CTNNA3: variants seen among roughly 807,000 people sequenced by gnomAD.
CTNNA3 encodes the protein catenin alpha 3.
A neutral mutation model predicts 95.7 loss-of-function variants in CTNNA3; 76 were observed. That is an observed-to-expected ratio of 0.79 (90% CI 0.66 to 0.96). CTNNA3 has a LOEUF of 0.96. Ranked by LOEUF, CTNNA3 falls within the 40% of genes least tolerant of loss-of-function variation. CTNNA3 has a pLI of 0.00. For missense variants in CTNNA3, 1,191 were observed against 1,089.8 expected (o/e 1.09, Z -1.31); for synonymous variants, 431 against 374.4 (o/e 1.15, Z -1.74).
chr10:66,389,653 A>G (rs925445223), intron 11 of CTNNA3, among the ~76,000 whole-genome samples: 2 of 152,090 alleles, frequency 1.3e-5, no homozygotes. Context: ...GTGTAGCACA[A>G]TAAAATTTTG....
At chr10:67,370,876 T>TG (rs1280386567) in intron 5 of CTNNA3, among the ~76,000 whole-genome samples, 3 of 150,610 alleles carry the variant, frequency 2.0e-5, no homozygotes, top group African/African-American at 7.3e-5. Flanking sequence ...TTTGTTTTTT[T>TG]TTTTTTTTGA....
intron 11 of CTNNA3, among the ~76,000 whole-genome samples, chr10:66,442,307 C>G (rs532596475): frequency 6.6e-6 from 1 of 152,082 alleles, no homozygotes; most frequent in African/African-American, 2.4e-5. Flanking sequence ...GTCCTGGAAC[C>G]AACCCCCCAT....
At chr10:67,639,151 C>A (rs1404506486) in intron 2 of CTNNA3, among the ~76,000 whole-genome samples, 1 of 151,952 alleles carries the variant, frequency 6.6e-6, no homozygotes, top group Non-Finnish European at 1.5e-5. Context: ...CAAATAGACC[C>A]AATAAAAAAT....
chr10:66,920,115 T>G (rs1315692212), intron 7 of CTNNA3, among the ~76,000 whole-genome samples: 7 of 152,214 alleles, frequency 4.6e-5, no homozygotes, highest in Non-Finnish European at 8.8e-5. Flanking sequence ...CCTTAATATA[T>G]GCTCATGGCC....
At chr10:67,508,456 C>CA (rs1400361327) in intron 5 of CTNNA3, among the ~76,000 whole-genome samples, 1 of 152,140 alleles carries the variant, frequency 6.6e-6, no homozygotes, top group Non-Finnish European at 1.5e-5. Flanking sequence ...TGAATATCCA[C>CA]ATACCAAAAA....
At chr10:67,098,890 T>G (rs567280146) in intron 7 of CTNNA3, 68 of 152,012 alleles carry the variant, frequency 4.5e-4, no homozygotes, top group African/African-American at 1.6e-3. Flanking sequence ...AACTTTTTAT[T>G]TAGAACTGTG....
intron 9 of CTNNA3, among the ~76,000 whole-genome samples, chr10:66,625,994 G>T (rs1844921683): frequency 6.6e-6 from 1 of 152,012 alleles, no homozygotes; most frequent in African/African-American, 2.4e-5. Context: ...TTTTTTCAAT[G>T]ACCCTTTAAA....
chr10:67,364,996 A>G (rs1843152546), intron 5 of CTNNA3, among the ~76,000 whole-genome samples: 1 of 152,206 alleles, frequency 6.6e-6, no homozygotes, highest in Non-Finnish European at 1.5e-5. Context: ...TACAGTAACC[A>G]AAACAGCATG....
At chr10:67,041,430 G>A (rs1357555399) in intron 7 of CTNNA3, among the ~76,000 whole-genome samples, 1 of 152,058 alleles carries the variant, frequency 6.6e-6, no homozygotes, top group Non-Finnish European at 1.5e-5. Context: ...TACCTATGTT[G>A]CAAATATCAC....
chr10:66,369,746 C>T (rs980622460), intron 12 of CTNNA3, among the ~76,000 whole-genome samples: 1 of 152,120 alleles, frequency 6.6e-6, no homozygotes, highest in African/African-American at 2.4e-5. Context: ...TATGCCCTTT[C>T]AGCATTTGCT....
At chr10:67,465,109 C>T (rs1214070688) in intron 5 of CTNNA3, among the ~76,000 whole-genome samples, 1 of 145,370 alleles carries the variant, frequency 6.9e-6, no homozygotes, top group Non-Finnish European at 1.5e-5. Flanking sequence ...GATTCAGTGA[C>T]ATTTTGCATC....
At chr10:66,856,108 G>A (rs1425239448) in intron 7 of CTNNA3, among the ~76,000 whole-genome samples, 1 of 151,816 alleles carries the variant, frequency 6.6e-6, no homozygotes, top group Non-Finnish European at 1.5e-5. Flanking sequence ...GGTGTCTGTT[G>A]TCTCCTTCAT....
intron 13 of CTNNA3, among the ~76,000 whole-genome samples, chr10:66,178,494 TACAC>T (rs35277811): frequency 1.7e-5 from 2 of 120,956 alleles, no homozygotes; most frequent in African/African-American, 5.5e-5. Context: ...CACACACACA[TACAC>T]ACACCCCTTA....
intron 4 of CTNNA3, among the ~76,000 whole-genome samples, chr10:67,533,295 G>A (rs955327200): frequency 1.3e-5 from 2 of 150,988 alleles, no homozygotes; most frequent in Non-Finnish European, 2.9e-5. Flanking sequence ...TTGCACTCCA[G>A]GTGTGCAAAA....
chr10:67,741,417 G>C (rs1841338236), intron 1 of CTNNA3, among the ~76,000 whole-genome samples: 1 of 148,004 alleles, frequency 6.8e-6, no homozygotes, highest in African/African-American at 2.5e-5. Flanking sequence ...AGCTTCATAA[G>C]TGAAGGAGAA....
At chr10:66,968,989 C>T (rs1849580426) in intron 7 of CTNNA3, among the ~76,000 whole-genome samples, 1 of 151,820 alleles carries the variant, frequency 6.6e-6, no homozygotes, top group Admixed American at 6.6e-5. Context: ...TGCACTCCAG[C>T]CTGGGCAACA....
chr10:66,121,549 C>T (rs571168231), intron 13 of CTNNA3, among the ~76,000 whole-genome samples: 2 of 152,106 alleles, frequency 1.3e-5, no homozygotes, highest in South Asian at 4.1e-4. Context: ...TTGGAATAAT[C>T]ATGTGGGAAA....
chr10:66,606,555 A>T (rs189411491), intron 10 of CTNNA3, among the ~76,000 whole-genome samples: 12 of 152,298 alleles, frequency 7.9e-5, no homozygotes, highest in Admixed American at 7.8e-4. Flanking sequence ...AACTGAAATC[A>T]TAACAATCAC....
intron 10 of CTNNA3, among the ~76,000 whole-genome samples, chr10:66,524,381 T>C (rs2132030808): frequency 6.6e-6 from 1 of 152,264 alleles, no homozygotes; most frequent in African/African-American, 2.4e-5. Flanking sequence ...AGAGAAACTA[T>C]TCTGCTCGCA....
Sources: allele counts gnomAD v4.1 joint callset (sites outside exome capture counted in the v4.1 genomes callset), GRCh38; gene constraint gnomAD v4.1.1; transcripts MANE v1.5; gene names NCBI Gene and HGNC (gene_info 2026-07-23, HGNC 2026-07-21).